Variants in ABCC4 observed in about 807,000 individuals in gnomAD.
ABCC4 encodes ATP-binding cassette sub-family C member 4.
ABCC4 carries 102 observed loss-of-function variants against 168.5 expected under a neutral mutation model. That is an observed-to-expected ratio of 0.61 (90% CI 0.52 to 0.71). The LOEUF (loss-of-function observed/expected upper bound fraction) is 0.71. Ranked by LOEUF, ABCC4 falls within the 30% of genes least tolerant of loss-of-function variation. The pLI, the probability that ABCC4 is intolerant of heterozygous loss-of-function variation, is 0.00. For synonymous variants in ABCC4, 617 were observed against 590.7 expected, an observed-to-expected ratio of 1.04 and a Z score of -0.65; for missense variants, 1,402 against 1,605.8, an observed-to-expected ratio of 0.87 and a Z score of 2.17.
At chr13:95,217,600 C>T (rs558236245) in intron 4 of ABCC4, among the ~76,000 whole-genome samples, 4 of 152,142 alleles carry the variant, frequency 2.6e-5, no homozygotes, top group African/African-American at 7.2e-5. Flanking sequence ...GGCATGGTGG[C>T]GCACACCCCT....
intron 16 of ABCC4, among the ~76,000 whole-genome samples, chr13:95,164,054 A>G (rs538174836): frequency 7.9e-5 from 11 of 139,036 alleles, no homozygotes; most frequent in African/African-American, 1.4e-4. Flanking sequence ...AAAAAAAAAA[A>G]AAAGAAAGAA....
chr13:95,163,832 G>A lies in ABCC4; in HGVS notation c.2176-185C>T, dbSNP rs9524814. The stretch of plus-strand genomic sequence containing the variant: ...CGGATCAACTTAAGGCCAGGAGTTC[G>A]AGACCAGCCTGGCCAACATAGTGAA... On this transcript the variant is annotated intron_variant, in intron 16 of 30. Coordinates refer to ENST00000645237, the MANE Select transcript of ABCC4 (RefSeq NM_005845.5). 2.5e-3 allele frequency among the ~76,000 whole-genome samples: 381 copies of A among 151,986 alleles called. 2 individuals are homozygous for A. Among genetic ancestry groups the A allele is most frequent in the Non-Finnish European group, 4.6e-3 (313 of 67,968 alleles).
At chr13:95,163,995 C>T (rs1380931134) in intron 16 of ABCC4, among the ~76,000 whole-genome samples, 4 of 147,712 alleles carry the variant, frequency 2.7e-5, no homozygotes, top group Non-Finnish European at 4.4e-5. Flanking sequence ...GAGCCAAGAT[C>T]GCGCCACTGC....
At chr13:95,096,229 A>G (rs1210489646) in intron 20 of ABCC4, 2 of 608,768 alleles carry the variant, frequency 3.3e-6, no homozygotes, top group South Asian at 2.0e-5. Context: ...GCAGATTGGG[A>G]TAAGAGAAAG....
chr13:95,101,503 A>G (rs2034804727), intron 20 of ABCC4, among the ~76,000 whole-genome samples: 1 of 152,180 alleles, frequency 6.6e-6, no homozygotes, highest in East Asian at 1.9e-4. Context: ...AAAAATTAAA[A>G]TGCCTAAATC....
chr13:95,099,308 A>G (rs1439377951), intron 20 of ABCC4, among the ~76,000 whole-genome samples: 1 of 152,222 alleles, frequency 6.6e-6, no homozygotes, highest in Non-Finnish European at 1.5e-5. Flanking sequence ...AAACTAATTG[A>G]TGTTGACAGA....
intron 7 of ABCC4, among the ~76,000 whole-genome samples, chr13:95,207,389 G>A (rs2139676258): frequency 6.6e-6 from 1 of 152,340 alleles, no homozygotes; most frequent in Non-Finnish European, 1.5e-5. Context: ...TGTTTGGAAT[G>A]AAAAATACTG....
intron 19 of ABCC4, chr13:95,148,939 G>C (rs1025720287): frequency 6.6e-6 from 1 of 152,158 alleles, no homozygotes; most frequent in East Asian, 1.9e-4. Context: ...ACAGCTTCTC[G>C]TGTGTGAAAG....
At chr13:95,282,587 T>G (rs1345027695) in intron 1 of ABCC4, among the ~76,000 whole-genome samples, 2 of 152,030 alleles carry the variant, frequency 1.3e-5, no homozygotes, top group Non-Finnish European at 2.9e-5. Flanking sequence ...CAGGCTGGAG[T>G]GCAGTGGCAC....
In ABCC4 at chr13:95,166,308, G is replaced by T; in HGVS notation, c.1884C>A (p.Gly628=). 6.2e-7 allele frequency: 1 copy of T among 1,613,908 alleles called. No individual in the cohort carries two copies. The highest frequency in any genetic ancestry group is 8.5e-7 in the Non-Finnish European group (1 of 1,180,004). The part of the protein sequence containing the change: ...TEFLKSGIDF[G]SLLKKDNEES... ...CCTCATTATCCTTCTTTAAAAGGGAGCCAAAATCTATACCAGATTTTAGGA... is the reference window on the plus strand; with the variant it reads ...CCTCATTATCCTTCTTTAAAAGGGATCCAAAATCTATACCAGATTTTAGGA... Residue 628 remains glycine, a synonymous_variant, in exon 15 of 31, where the codon GGC becomes GGA. Coordinates refer to ENST00000645237, the MANE Select transcript of ABCC4 (RefSeq NM_005845.5).
At chr13:95,154,858 C>A (rs184088880) in intron 19 of ABCC4, among the ~76,000 whole-genome samples, 9 of 152,282 alleles carry the variant, frequency 5.9e-5, no homozygotes, top group African/African-American at 2.2e-4. Flanking sequence ...GTTAAAAATG[C>A]ACATTTAGCA....
intron 3 of ABCC4, among the ~76,000 whole-genome samples, chr13:95,244,906 T>C (rs2040066937): frequency 1.1e-5 from 1 of 93,962 alleles, no homozygotes; most frequent in Non-Finnish European, 2.2e-5. Context: ...ACCACCCCGC[T>C]AAAAGACCAG....
At chr13:95,298,674 C>A (rs1318639148) in intron 1 of ABCC4, among the ~76,000 whole-genome samples, 5 of 152,314 alleles carry the variant, frequency 3.3e-5, no homozygotes, top group African/African-American at 1.2e-4. Flanking sequence ...ACAGGGAGCG[C>A]CTTCTCCATG....
Position 95,206,574 on chromosome 13 carries a change from A to G in ABCC4, c.1119T>C (p.Ile373=), listed in dbSNP as rs756240157. 6 of 1,614,010 alleles carry G rather than the reference A, an allele frequency of 3.7e-6. No individual in the cohort carries two copies. In the African/African-American group the frequency reaches 8.0e-5, roughly 22 times the overall value. ...TGACGATTGCCTCTGACACCCTCTC[A>G]ATGGCTGAGGGGAAGAAGAGGGTAA... The part of the protein sequence containing the change: ...LTVTLFFPSA[I]ERVSEAIVSI... Residue 373 remains isoleucine, a synonymous_variant, in exon 8 of 31, where the codon ATT becomes ATC. Transcript: ENST00000645237.
chr13:95,200,794 T>C (rs1490038590), intron 8 of ABCC4, among the ~76,000 whole-genome samples: 1 of 152,188 alleles, frequency 6.6e-6, no homozygotes, highest in Admixed American at 6.5e-5. Context: ...CAAGGTGTAA[T>C]AATTTAGTTT....
intron 1 of ABCC4, among the ~76,000 whole-genome samples, chr13:95,289,272 A>T (rs938264230): frequency 1.3e-5 from 2 of 152,212 alleles, no homozygotes; most frequent in Admixed American, 1.3e-4. Context: ...CGAGCTCTGA[A>T]TTCACAAGTG....
At chr13:95,197,285 T>TATACA (rs2038484372) in intron 8 of ABCC4, among the ~76,000 whole-genome samples, 1 of 152,238 alleles carries the variant, frequency 6.6e-6, no homozygotes, top group East Asian at 1.9e-4. Context: ...AAAGGTTATA[T>TATACA]ATACATCTTC....
chr13:95,255,207 C>T (rs2040363653), intron 1 of ABCC4, among the ~76,000 whole-genome samples: 1 of 152,188 alleles, frequency 6.6e-6, no homozygotes, highest in African/African-American at 2.4e-5. Context: ...TGGTGTAGCC[C>T]ACCGCCAGCA....
intron 30 of ABCC4, among the ~76,000 whole-genome samples, chr13:95,032,344 C>G (rs2031913285): frequency 6.6e-6 from 1 of 152,210 alleles, no homozygotes; most frequent in Non-Finnish European, 1.5e-5. Context: ...ATATCATCAT[C>G]ATCATCATTG....
Sources: gnomAD v4.1 joint callset for allele counts (sites outside exome capture counted in the v4.1 genomes callset) on GRCh38, gnomAD v4.1.1 for gene constraint, MANE v1.5 for transcripts, NCBI Gene and HGNC (gene_info 2026-07-23, HGNC 2026-07-21) for gene names.